Variants in FNDC3A observed in about 807,000 individuals in gnomAD.
FNDC3A encodes the protein fibronectin type III domain containing 3A.
FNDC3A carries 32 observed loss-of-function variants against 148.9 expected under a neutral mutation model. The ratio of observed to expected loss-of-function variants is 0.21; its 90% CI spans 0.16 to 0.29. The LOEUF (loss-of-function observed/expected upper bound fraction) is 0.29, where lower values mean the gene tolerates loss of function less well. Among genes scored for constraint, FNDC3A ranks in the 10% least tolerant of loss-of-function variants. FNDC3A has a pLI of 1.00. For synonymous variants in FNDC3A, 472 were observed against 473.6 expected, an observed-to-expected ratio of 1.00 and a Z score of 0.04; for missense variants, 1,191 against 1,452.8, an observed-to-expected ratio of 0.82 and a Z score of 2.93.
At chr13:49,040,776 A>T (rs527262598) in intron 2 of FNDC3A, among the ~76,000 whole-genome samples, 1 of 152,246 alleles carries the variant, frequency 6.6e-6, no homozygotes, top group East Asian at 1.9e-4. Context: ...AGAGACATCA[A>T]TGATAAGAAT....
intron 1 of FNDC3A, among the ~76,000 whole-genome samples, chr13:49,002,850 G>T (rs1232263134): frequency 6.6e-6 from 1 of 152,084 alleles, no homozygotes; most frequent in Non-Finnish European, 1.5e-5. Context: ...GACATTTAGG[G>T]CCATTAACAA....
chr13:49,005,104 A>G (rs892180673), intron 1 of FNDC3A, among the ~76,000 whole-genome samples: 5 of 151,942 alleles, frequency 3.3e-5, no homozygotes, highest in African/African-American at 1.2e-4. Context: ...ATTAACTATG[A>G]AATCTTCAAG....
intron 2 of FNDC3A, among the ~76,000 whole-genome samples, chr13:49,043,572 C>T (rs1243547869): frequency 6.6e-6 from 1 of 152,074 alleles, no homozygotes; most frequent in Admixed American, 6.5e-5. Flanking sequence ...AGTATTAAAA[C>T]ATGCTGTCAT....
At chr13:49,091,603 T>C (rs1473217430) in intron 3 of FNDC3A, among the ~76,000 whole-genome samples, 8 of 152,232 alleles carry the variant, frequency 5.3e-5, no homozygotes, top group Non-Finnish European at 1.2e-4. Flanking sequence ...AAAGGGACTG[T>C]AGTGCTGCAG....
Position 49,171,977 on chromosome 13 carries a change from A to G in FNDC3A, c.1177-66A>G, listed in dbSNP as rs1593702560. On this transcript the variant is annotated intron_variant, in intron 10 of 25. Transcript: ENST00000492622. The stretch of plus-strand genomic sequence containing the variant: ...CACATAAACTAGATCCTTATATTAG[A>G]TCATCACAGTATCATTTATGAATGT... The G allele has an allele frequency of 3.7e-6, 4 of 1,067,568 alleles. No individual in the cohort carries two copies. The East Asian group carries it at 9.7e-5, about 26-fold the overall frequency. 66.1% of individuals were successfully genotyped at this position (1,067,568 alleles called of 1,614,324 possible). A position where few individuals can be genotyped will look rare whatever the true frequency, so the allele number is the denominator to read the frequency against.
At chr13:49,156,649 C>T (rs1403234717) in intron 8 of FNDC3A, among the ~76,000 whole-genome samples, 16 of 151,166 alleles carry the variant, frequency 1.1e-4, no homozygotes, top group East Asian at 1.9e-4. Context: ...GATTTTGCAG[C>T]GGCTGGTACC....
At position 49,009,608 on chromosome 13, in the gene FNDC3A, G is replaced by C. The variant is rs1338431945; in HGVS notation, c.99+3319G>C. Among the ~76,000 whole-genome samples the C allele has an allele frequency of 6.6e-5, 10 of 152,266 alleles. No individual in the cohort carries two copies. The South Asian group carries it at 2.1e-3, about 32-fold the overall frequency. On this transcript the variant is annotated intron_variant, in intron 2 of 25. Transcript: ENST00000492622. ...TGATTGACTTGAGATATCTTTTCCTGATAGCAGAAGGAAAGCCTGCATGAA... is the reference window on the plus strand; with the variant it reads ...TGATTGACTTGAGATATCTTTTCCTCATAGCAGAAGGAAAGCCTGCATGAA...
At chr13:48,981,030 A>G (rs942075232) in intron 1 of FNDC3A, among the ~76,000 whole-genome samples, 4 of 152,192 alleles carry the variant, frequency 2.6e-5, no homozygotes, top group Non-Finnish European at 5.9e-5. Context: ...CATTTTTCAT[A>G]CTTAGTACAT....
intron 2 of FNDC3A, among the ~76,000 whole-genome samples, chr13:49,068,923 G>T (rs1312509862): frequency 6.6e-6 from 1 of 152,156 alleles, no homozygotes; most frequent in Non-Finnish European, 1.5e-5. Context: ...GTGGGAGGAC[G>T]AAGAGGAGTA....
At chr13:48,990,642 G>A (rs1951898034) in intron 1 of FNDC3A, among the ~76,000 whole-genome samples, 2 of 148,572 alleles carry the variant, frequency 1.3e-5, no homozygotes, top group South Asian at 4.4e-4. Context: ...CATGCTTGTA[G>A]TCACAGCCGC....
intron 2 of FNDC3A, among the ~76,000 whole-genome samples, chr13:49,024,211 G>A (rs1873536001): frequency 6.6e-6 from 1 of 151,968 alleles, no homozygotes; most frequent in Non-Finnish European, 1.5e-5. Flanking sequence ...CCAATAACAA[G>A]TAATGAGATT....
At chr13:49,151,196 CTAT>C (rs1883272427) in intron 8 of FNDC3A, among the ~76,000 whole-genome samples, 1 of 152,116 alleles carries the variant, frequency 6.6e-6, no homozygotes, top group Non-Finnish European at 1.5e-5. Flanking sequence ...AAGTCCCCAA[CTAT>C]TATTTTATTG....
rs145547726 is a variant in FNDC3A at position 48,989,174 on chromosome 13, C to T, written c.-40+12997C>T. Among the ~76,000 whole-genome samples the T allele has an allele frequency of 2.1e-4, 32 of 152,288 alleles. No homozygotes were observed. The East Asian group carries it at 2.9e-3, about 14-fold the overall frequency. The stretch of plus-strand genomic sequence containing the variant: ...GCAGCTCTGTTCTTGCCTAATCCAT[C>T]GTAAAAGCAAGTCCCAAAGAGTCAA... On this transcript the variant is annotated intron_variant, in intron 1 of 25. Transcript: ENST00000492622.
upstream of FNDC3A, chr13:48,975,741 G>A (rs1951585154): frequency 6.6e-6 from 1 of 152,134 alleles, no homozygotes; most frequent in Non-Finnish European, 1.5e-5. Context: ...GGCGCTCCGG[G>A]AGCCAAACGC....
At chr13:49,064,400 C>T (rs1877114138) in intron 2 of FNDC3A, among the ~76,000 whole-genome samples, 2 of 24,338 alleles carry the variant, frequency 8.2e-5, no homozygotes, top group African/African-American at 1.1e-4. Context: ...TATTGCCCCC[C>T]GCCCCCCCCC....
intron 1 of FNDC3A, among the ~76,000 whole-genome samples, chr13:48,978,538 G>T (rs1237634581): frequency 6.6e-6 from 1 of 151,822 alleles, no homozygotes; most frequent in Non-Finnish European, 1.5e-5. Context: ...CATTGTTGGT[G>T]CATTTTTGAA....
Position 49,197,757 on chromosome 13 carries a change from A to G in FNDC3A, c.2373A>G (p.Glu791=). 6.2e-7 allele frequency: 1 copy of G among 1,611,548 alleles called. No individual in the cohort carries two copies. The highest frequency in any genetic ancestry group is 8.5e-7 in the Non-Finnish European group (1 of 1,179,400). The part of the protein sequence containing the change: ...VPLSNGTDVT[E]YRLEWGGVEG... ...TGAGTAATGGAACAGATGTCACTGA[A>G]TATCGACTGGAGTGGGGAGGAGTTG... The change falls in exon 21 of 26, where the codon GAA becomes GAG. Residue 791 remains glutamate (E), a synonymous_variant. Coordinates refer to ENST00000492622, the MANE Select transcript of FNDC3A (RefSeq NM_001079673.2).
In FNDC3A at chr13:49,033,969, T is replaced by G. The variant is rs561117068; in HGVS notation, c.99+27680T>G. ...AAAAATTGTAAAAACCACTTTGTAG[T>G]TAAAACTGTTAGGAAACTATTACTT... On this transcript the variant is annotated intron_variant, in intron 2 of 25. Coordinates refer to ENST00000492622, the MANE Select transcript of FNDC3A (RefSeq NM_001079673.2). 1.7e-3 allele frequency among the ~76,000 whole-genome samples: 263 copies of G among 152,120 alleles called. 2 individuals are homozygous for G. Among genetic ancestry groups the G allele is most frequent in the Middle Eastern group, 0.01 (3 of 294 alleles).
At chr13:49,027,267 G>A (rs754580893) in intron 2 of FNDC3A, among the ~76,000 whole-genome samples, 9 of 152,102 alleles carry the variant, frequency 5.9e-5, no homozygotes, top group Non-Finnish European at 1.2e-4. Flanking sequence ...CTTGGTTCTA[G>A]GTAAGTAATG....
Sources: gnomAD v4.1 joint callset for allele counts (sites outside exome capture counted in the v4.1 genomes callset) on GRCh38, gnomAD v4.1.1 for gene constraint, MANE v1.5 for transcripts, NCBI Gene and HGNC (gene_info 2026-07-23, HGNC 2026-07-21) for gene names.